BRI3: variants seen among roughly 807,000 people sequenced by gnomAD.
BRI3 encodes membrane protein BRI3.
In BRI3, 6 loss-of-function variants were observed where a neutral mutation model predicts 12.8. The ratio of observed to expected loss-of-function variants is 0.47; its 90% CI spans 0.26 to 0.93. The LOEUF is 0.93. BRI3 is among the 40% of genes least tolerant of loss of function. BRI3 has a pLI of 0.15. For missense variants in BRI3, 134 were observed against 171.1 expected, an observed-to-expected ratio of 0.78 and a Z score of 1.21; for synonymous variants, 91 against 76.1, an observed-to-expected ratio of 1.20 and a Z score of -1.02.
downstream of BRI3, among the ~76,000 whole-genome samples, chr7:98,295,711 G>A (rs1800161490): frequency 6.6e-6 from 1 of 152,042 alleles, no homozygotes. Context: ...TGCAGCTTAT[G>A]CTAGGGGAAG....
exon 2 of BRI3, chr7:98,308,470 C>T (rs956663489): frequency 3.3e-5 from 12 of 365,034 alleles, no homozygotes; most frequent in East Asian, 2.2e-4. Context: ...GCTGCCATCC[C>T]GCCAGGCTCC....
At chr7:98,302,503 C>T (rs529823059), upstream of BRI3, among the ~76,000 whole-genome samples, 8 of 152,190 alleles carry the variant, frequency 5.3e-5, no homozygotes, top group Non-Finnish European at 1.2e-4. Flanking sequence ...CAGCAAAACA[C>T]AACAGTCAAA....
At chr7:98,293,550 TC>T, downstream of BRI3, 1 of 1,613,854 alleles carries the variant, frequency 6.2e-7, no homozygotes, top group Non-Finnish European at 8.5e-7. Context: ...GAGCGATCAT[TC>T]GTCACAGTCG....
chr7:98,294,067 C>A (rs369999863), downstream of BRI3: 1 of 1,613,782 alleles, frequency 6.2e-7, no homozygotes, highest in South Asian at 1.1e-5. Context: ...TAGGAAGCCA[C>A]GCCTACCTGA....
chr7:98,310,512 G>A (rs763305699), downstream of BRI3: 6 of 1,606,612 alleles, frequency 3.7e-6, no homozygotes, highest in Non-Finnish European at 5.1e-6. Flanking sequence ...TATCGATCAA[G>A]GGACTGGTAT....
exon 2 of BRI3, chr7:98,310,338 G>A (rs1440865138): frequency 1.4e-5 from 18 of 1,288,076 alleles, no homozygotes; most frequent in Middle Eastern, 2.4e-4. Context: ...ATACCTGCTT[G>A]TTTACCTCCA....
the BRI3 span, among the ~76,000 whole-genome samples, chr7:98,319,096 A>C: frequency 6.6e-6 from 1 of 152,204 alleles, no homozygotes; most frequent in South Asian, 2.1e-4. Context: ...GCCAGGCAGC[A>C]GTCCTCACGA....
chr7:98,308,611 G>A, exon 2 of BRI3: 2 of 246,732 alleles, frequency 8.1e-6, no homozygotes, highest in Admixed American at 9.5e-5. Flanking sequence ...TGCTGTTCAT[G>A]TCTCCATTCA....
chr7:98,310,544 G>A (rs760386510), downstream of BRI3: 17 of 1,595,362 alleles, frequency 1.1e-5, no homozygotes, highest in East Asian at 3.8e-4. Context: ...GAAGGAGCGG[G>A]GGGCATCTTT....
At chr7:98,301,065 A>G (rs1188670835) in intron 1 of BRI3, among the ~76,000 whole-genome samples, 1 of 152,138 alleles carries the variant, frequency 6.6e-6, no homozygotes, top group Non-Finnish European at 1.5e-5. Context: ...GCCGCCCAGT[A>G]GAGGCCGGCT....
chr7:98,318,156 T>C, the BRI3 span, among the ~76,000 whole-genome samples: 1 of 152,246 alleles, frequency 6.6e-6, no homozygotes, highest in Admixed American at 6.5e-5. Flanking sequence ...CTTTAATGTC[T>C]TGGCTTTGTT....
chr7:98,297,178 A>T (rs1049530154), downstream of BRI3, among the ~76,000 whole-genome samples: 2 of 152,218 alleles, frequency 1.3e-5, no homozygotes, highest in African/African-American at 2.4e-5. Context: ...GGGTGGACAC[A>T]TCTTGTGATC....
upstream of BRI3, chr7:98,306,365 G>C (rs1336270597): frequency 1.3e-5 from 20 of 1,553,226 alleles, no homozygotes; most frequent in Non-Finnish European, 1.8e-5. Context: ...GACACAGCTA[G>C]ATGGTGGTGT....
intron 2 of BRI3, among the ~76,000 whole-genome samples, chr7:98,284,948 G>A (rs904128262): frequency 6.6e-6 from 1 of 152,168 alleles, no homozygotes; most frequent in African/African-American, 2.4e-5. Flanking sequence ...TTCTTTGCTG[G>A]GGGTGTGGTT....
chr7:98,290,665 A>AT (rs557887032), intron 2 of BRI3, among the ~76,000 whole-genome samples: 140 of 151,520 alleles, frequency 9.2e-4, no homozygotes, highest in South Asian at 1.7e-3. Context: ...CGCCTGGCAG[A>AT]TTTTTGTATT....
chr7:98,293,646 C>T, downstream of BRI3: 1 of 1,571,564 alleles, frequency 6.4e-7, no homozygotes, highest in Non-Finnish European at 8.8e-7. Context: ...ACGAGGGAAA[C>T]TGGATTTTAA....
chr7:98,311,121 T>C (rs1447893156), downstream of BRI3, among the ~76,000 whole-genome samples: 3 of 152,234 alleles, frequency 2.0e-5, no homozygotes, highest in African/African-American at 4.8e-5. Flanking sequence ...TGTGAATACT[T>C]TGATGCCTAT....
intron 2 of BRI3, among the ~76,000 whole-genome samples, chr7:98,285,840 G>C (rs1281859044): frequency 6.6e-6 from 1 of 152,196 alleles, no homozygotes; most frequent in African/African-American, 2.4e-5. Context: ...GAGCCTGGCT[G>C]GAGCTGCTTT....
At chr7:98,296,871 GCAT>G (rs1344985763), downstream of BRI3, among the ~76,000 whole-genome samples, 1 of 152,142 alleles carries the variant, frequency 6.6e-6, no homozygotes, top group Non-Finnish European at 1.5e-5. Flanking sequence ...GGGTCTCACA[GCAT>G]CCTCCCTGCG....
Sources: gnomAD v4.1 joint callset for allele counts (sites outside exome capture counted in the v4.1 genomes callset) on GRCh38, gnomAD v4.1.1 for gene constraint, MANE v1.5 for transcripts, NCBI Gene and HGNC (gene_info 2026-07-23, HGNC 2026-07-21) for gene names.